MYO3B: variants seen among roughly 807,000 people sequenced by gnomAD.
MYO3B encodes the protein myosin IIIB.
MYO3B carries 156 observed loss-of-function variants against 174.6 expected under a neutral mutation model. That is an observed-to-expected ratio of 0.89 (90% CI 0.78 to 1.02). The LOEUF (loss-of-function observed/expected upper bound fraction) is 1.02, where lower values mean the gene tolerates loss of function less well. MYO3B is among the 50% of genes least tolerant of loss of function. MYO3B has a pLI of 0.00. For missense variants in MYO3B, 1,632 were observed against 1,639.4 expected, an observed-to-expected ratio of 1.00 and a Z score of 0.08; for synonymous variants, 563 against 569.1, an observed-to-expected ratio of 0.99 and a Z score of 0.15.
intron 21 of MYO3B, among the ~76,000 whole-genome samples, chr2:170,407,006 C>T (rs570640410): frequency 7.9e-5 from 12 of 152,232 alleles, no homozygotes; most frequent in East Asian, 3.9e-4. Flanking sequence ...AATGTGTGAC[C>T]GTGGGCACAT....
intron 10 of MYO3B, chr2:170,382,526 A>G (rs2094343384): frequency 5.8e-6 from 1 of 171,150 alleles, no homozygotes; most frequent in South Asian, 1.4e-4. Context: ...GTCTGTGATA[A>G]TCCCCATTTA....
Position 170,387,165 on chromosome 2 carries a change from T to C in MYO3B, c.1434T>C (p.Phe478=), listed in dbSNP as rs188174790. Residue 478 remains phenylalanine, a synonymous_variant, in exon 14 of 35, where the codon TTT becomes TTC. Coordinates refer to ENST00000408978, the MANE Select transcript of MYO3B (RefSeq NM_138995.5). ...AAGTCAACTCCCTGGTGGAAGCCTTTGGGAACTCATGCACTGCCATCAATG... is the reference window on the plus strand; with the variant it reads ...AAGTCAACTCCCTGGTGGAAGCCTTCGGGAACTCATGCACTGCCATCAATG... ...ILQVNSLVEA[F]GNSCTAINDN... 1 of 1,614,178 alleles carries C rather than the reference T, an allele frequency of 6.2e-7. No homozygotes were observed. The highest frequency in any genetic ancestry group is 1.3e-5 in the African/African-American group (1 of 75,076).
Position 170,394,466 on chromosome 2 carries a change from T to C in MYO3B, c.1791+1971T>C, listed in dbSNP as rs115096421. The stretch of plus-strand genomic sequence containing the variant: ...AGAAGAATTAAGTATGTTAAGTATA[T>C]GTCCTTGAAGTAAGCCATCCCTAGC... On this transcript the variant is annotated intron_variant, in intron 16 of 34. Transcript: ENST00000408978. Among the ~76,000 whole-genome samples, 1,252 of 152,262 alleles carry C rather than the reference T, an allele frequency of 8.2e-3. 10 individuals carry two copies. Among genetic ancestry groups the C allele is most frequent in the African/African-American group, 0.028 (1,156 of 41,538 alleles).
chr2:170,446,467 G>T (rs943003040), intron 23 of MYO3B, among the ~76,000 whole-genome samples: 2 of 152,102 alleles, frequency 1.3e-5, no homozygotes, highest in Admixed American at 6.6e-5. Context: ...CACATGAAAA[G>T]TGTGCCTTCT....
intron 7 of MYO3B, among the ~76,000 whole-genome samples, chr2:170,298,714 T>C (rs1384286388): frequency 6.7e-6 from 1 of 149,730 alleles, no homozygotes. Flanking sequence ...CAAGCATAGA[T>C]ACCCTGGCAT....
chr2:170,619,734 A>ATACTTTTTT (rs1553539463), intron 32 of MYO3B, among the ~76,000 whole-genome samples: 104 of 33,548 alleles, frequency 3.1e-3, no homozygotes, highest in Non-Finnish European at 6.4e-3. Flanking sequence ...CTGCTGCCAT[A>ATACTTTTTT]TTCTTTTTTT....
intron 7 of MYO3B, among the ~76,000 whole-genome samples, chr2:170,253,538 G>T (rs73027168): frequency 0.013 from 2,040 of 152,266 alleles, 61 homozygotes; most frequent in African/African-American, 0.047. Flanking sequence ...CTAGACTGGA[G>T]ACATAAATGC....
In MYO3B at chr2:170,466,687, T is replaced by C. The variant is rs754892408; in HGVS notation, c.2990T>C (p.Ile997Thr). 2.4e-5 allele frequency: 38 copies of C among 1,614,064 alleles called. No homozygotes were observed. The South Asian group carries it at 4.1e-4, about 17-fold the overall frequency. Residue 997 changes from isoleucine to threonine, a missense_variant, in exon 25 of 35, where the codon ATC becomes ACC. Physicochemically the swap from Ile to Thr is moderately conservative, Grantham distance 89. Coordinates refer to ENST00000408978, the MANE Select transcript of MYO3B (RefSeq NM_138995.5). Reference sequence around the variant, plus strand: ...CGCCGCCAGGGCTATTCCCACCGCATCCTTTTTGAAGAATTTGTGAAAAGG... The same window carrying C: ...CGCCGCCAGGGCTATTCCCACCGCACCCTTTTTGAAGAATTTGTGAAAAGG... Reference protein sequence around the residue: ...SIRRQGYSHRILFEEFVKRYY... With the variant: ...SIRRQGYSHRTLFEEFVKRYY...
At chr2:170,427,312 A>G (rs1413311482) in intron 22 of MYO3B, among the ~76,000 whole-genome samples, 1 of 152,194 alleles carries the variant, frequency 6.6e-6, no homozygotes, top group African/African-American at 2.4e-5. Flanking sequence ...TCTGTCAGAT[A>G]ATACTTTAAT....
At chr2:170,411,998 G>A (rs544315714) in intron 22 of MYO3B, 1 of 152,344 alleles carries the variant, frequency 6.6e-6, no homozygotes, top group East Asian at 1.9e-4. Context: ...ATGATGAAAT[G>A]TTCTTTGTAA....
intron 25 of MYO3B, among the ~76,000 whole-genome samples, chr2:170,495,799 A>G (rs528231814): frequency 7.2e-5 from 11 of 152,254 alleles, no homozygotes; most frequent in Non-Finnish European, 1.0e-4. Flanking sequence ...TCCTAAAAGT[A>G]TAGGAAATCC....
chr2:170,536,334 T>C (rs1184328492), intron 30 of MYO3B, among the ~76,000 whole-genome samples: 1 of 152,252 alleles, frequency 6.6e-6, no homozygotes, highest in African/African-American at 2.4e-5. Flanking sequence ...TGAGCCATGT[T>C]CTAAAACTTA....
rs554852733 is a variant in MYO3B, at chr2:170,378,259, G to C, written c.972-3757G>C. ...CCCTCCAAACCCCATAGCCAGAGGAGGAAAGTTAAGCGGGCAGCAGTTTCC... is the reference window on the plus strand; with the variant it reads ...CCCTCCAAACCCCATAGCCAGAGGACGAAAGTTAAGCGGGCAGCAGTTTCC... On this transcript the variant is annotated intron_variant, in intron 9 of 34. Coordinates refer to ENST00000408978, the MANE Select transcript of MYO3B (RefSeq NM_138995.5). 1.6e-4 allele frequency among the ~76,000 whole-genome samples: 25 copies of C among 152,318 alleles called. No individual in the cohort carries two copies. The East Asian group carries it at 4.6e-3, about 28-fold the overall frequency.
chr2:170,415,669 C>T (rs559377987), intron 22 of MYO3B, among the ~76,000 whole-genome samples: 1 of 152,254 alleles, frequency 6.6e-6, no homozygotes, highest in South Asian at 2.1e-4. Context: ...ATATTTTTTT[C>T]ACAAAGATAC....
At chr2:170,480,703 A>G (rs746896273) in intron 25 of MYO3B, among the ~76,000 whole-genome samples, 2 of 152,198 alleles carry the variant, frequency 1.3e-5, no homozygotes, top group Non-Finnish European at 2.9e-5. Flanking sequence ...CAGGTGGACA[A>G]TGTCCAAATT....
chr2:170,520,495 A>G (rs1362622035), intron 30 of MYO3B, among the ~76,000 whole-genome samples: 1 of 151,810 alleles, frequency 6.6e-6, no homozygotes, highest in Non-Finnish European at 1.5e-5. Context: ...ATATACACAC[A>G]TATATACACA....
intron 6 of MYO3B, among the ~76,000 whole-genome samples, chr2:170,222,356 A>T (rs907096858): frequency 6.6e-6 from 1 of 152,214 alleles, no homozygotes; most frequent in Non-Finnish European, 1.5e-5. Context: ...GGTCTGCTGT[A>T]ATCAAGTAGT....
intron 32 of MYO3B, among the ~76,000 whole-genome samples, chr2:170,592,873 G>T (rs1478984449): frequency 1.3e-5 from 2 of 151,554 alleles, no homozygotes; most frequent in African/African-American, 2.4e-5. Flanking sequence ...GATACATATA[G>T]ATATATAGAC....
At chr2:170,421,130 C>G (rs2094611737) in intron 22 of MYO3B, among the ~76,000 whole-genome samples, 1 of 152,092 alleles carries the variant, frequency 6.6e-6, no homozygotes, top group South Asian at 2.1e-4. Flanking sequence ...GGACGGTTTC[C>G]TGGTAGTGCT....
Sources: allele counts gnomAD v4.1 joint callset (sites outside exome capture counted in the v4.1 genomes callset), GRCh38; gene constraint gnomAD v4.1.1; transcripts MANE v1.5; gene names NCBI Gene and HGNC (gene_info 2026-07-23, HGNC 2026-07-21).